CNTNAP2: variants seen among roughly 807,000 people sequenced by gnomAD.
CNTNAP2 encodes the protein contactin-associated protein-like 2.
In CNTNAP2, 98 loss-of-function variants were observed where a neutral mutation model predicts 155.2. That is an observed-to-expected ratio of 0.63 (90% CI 0.54 to 0.75). The LOEUF is 0.75. Ranked by LOEUF, CNTNAP2 falls within the 30% of genes least tolerant of loss-of-function variation. CNTNAP2 has a pLI of 0.00. For missense variants in CNTNAP2, 1,727 were observed against 1,688.1 expected, an observed-to-expected ratio of 1.02 and a Z score of -0.40; for synonymous variants, 651 against 631.2, an observed-to-expected ratio of 1.03 and a Z score of -0.47.
chr7:146,508,429 G>T (rs1244542149), intron 1 of CNTNAP2, among the ~76,000 whole-genome samples: 2 of 152,340 alleles, frequency 1.3e-5, no homozygotes, highest in Non-Finnish European at 2.9e-5. Flanking sequence ...AGGCCAAGGT[G>T]CAAAGATGCA....
At chr7:146,945,483 TAAG>T (rs953931660) in intron 3 of CNTNAP2, among the ~76,000 whole-genome samples, 1 of 151,868 alleles carries the variant, frequency 6.6e-6, no homozygotes. Flanking sequence ...AAACAGAAAA[TAAG>T]AAGAGAGAGG....
intron 3 of CNTNAP2, among the ~76,000 whole-genome samples, chr7:147,023,395 T>C (rs1203673837): frequency 6.6e-6 from 1 of 152,214 alleles, no homozygotes; most frequent in Non-Finnish European, 1.5e-5. Context: ...GATTACAGTT[T>C]CACCTTTCTT....
intron 3 of CNTNAP2, among the ~76,000 whole-genome samples, chr7:146,880,716 G>A (rs1795531560): frequency 6.6e-6 from 1 of 151,978 alleles, no homozygotes; most frequent in Non-Finnish European, 1.5e-5. Context: ...TGCTGTGCTT[G>A]GTTTTCCCAT....
chr7:148,196,265 A>G (rs946336977), intron 18 of CNTNAP2, among the ~76,000 whole-genome samples: 5 of 152,238 alleles, frequency 3.3e-5, no homozygotes, highest in Non-Finnish European at 7.3e-5. Context: ...ATGGGAAACT[A>G]TGCCATGAAA....
intron 13 of CNTNAP2, among the ~76,000 whole-genome samples, chr7:147,832,449 A>G (rs1798565244): frequency 6.8e-6 from 1 of 146,810 alleles, no homozygotes; most frequent in South Asian, 2.1e-4. Flanking sequence ...CAAACTCTAC[A>G]TGAAAGGAAG....
chr7:147,522,879 T>C (rs1395859702), intron 11 of CNTNAP2, among the ~76,000 whole-genome samples: 1 of 151,758 alleles, frequency 6.6e-6, no homozygotes, highest in East Asian at 1.9e-4. Flanking sequence ...GAATACAATA[T>C]ATTTGAAATG....
At chr7:146,496,789 C>T (rs540991526) in intron 1 of CNTNAP2, among the ~76,000 whole-genome samples, 1 of 152,252 alleles carries the variant, frequency 6.6e-6, no homozygotes, top group Non-Finnish European at 1.5e-5. Flanking sequence ...GCCAAATGAG[C>T]ATATTAGCCA....
chr7:148,002,471 C>T (rs1360482444), intron 15 of CNTNAP2, among the ~76,000 whole-genome samples: 5 of 152,128 alleles, frequency 3.3e-5, no homozygotes, highest in African/African-American at 4.8e-5. Context: ...ATTTGAAACC[C>T]TCTGAAGGCT....
intron 12 of CNTNAP2, among the ~76,000 whole-genome samples, chr7:147,629,463 C>T (rs929365142): frequency 6.7e-6 from 1 of 149,874 alleles, no homozygotes; most frequent in African/African-American, 2.4e-5. Flanking sequence ...ATAAACTATA[C>T]TCTAGAACAA....
intron 18 of CNTNAP2, among the ~76,000 whole-genome samples, chr7:148,188,609 G>T (rs1006176794): frequency 6.6e-6 from 1 of 152,192 alleles, no homozygotes; most frequent in Non-Finnish European, 1.5e-5. Context: ...CTTCTACTAA[G>T]ATCCAGAATC....
chr7:147,833,641 T>C (rs1032363565), intron 13 of CNTNAP2, among the ~76,000 whole-genome samples: 4 of 152,164 alleles, frequency 2.6e-5, no homozygotes, highest in Non-Finnish European at 4.4e-5. Context: ...CCGGTATCTA[T>C]TGGTGAACTG....
intron 1 of CNTNAP2, among the ~76,000 whole-genome samples, chr7:146,669,433 A>T (rs1394474255): frequency 6.6e-6 from 1 of 152,212 alleles, no homozygotes; most frequent in African/African-American, 2.4e-5. Flanking sequence ...AGACAGTCTA[A>T]GAAGCATATT....
At chr7:147,412,799 A>G (rs1797126499) in intron 10 of CNTNAP2, among the ~76,000 whole-genome samples, 1 of 152,200 alleles carries the variant, frequency 6.6e-6, no homozygotes, top group Non-Finnish European at 1.5e-5. Flanking sequence ...ATATAGGGCA[A>G]GGCTGTCTTG....
chr7:147,621,965 A>C (rs962770274), intron 12 of CNTNAP2, among the ~76,000 whole-genome samples: 3 of 152,036 alleles, frequency 2.0e-5, no homozygotes, highest in Non-Finnish European at 4.4e-5. Flanking sequence ...ATAGAAACCA[A>C]AAAAAGAAAA....
chr7:147,680,348 T>C (rs1048895192), intron 13 of CNTNAP2, among the ~76,000 whole-genome samples: 2 of 151,892 alleles, frequency 1.3e-5, no homozygotes, highest in African/African-American at 4.8e-5. Flanking sequence ...GCCACTACAA[T>C]AGCAATGAGA....
rs181714282 is a variant in CNTNAP2 at position 146,240,812 on chromosome 7, C to T, written c.97+123839C>T. ...AGAGTGTTGGGAAATGTCATTAGCC[C>T]GTTCTTGCTTTGCTATAAATATCTG... On this transcript the variant is annotated intron_variant, in intron 1 of 23. Coordinates refer to ENST00000361727, the MANE Select transcript of CNTNAP2 (RefSeq NM_014141.6). Among the ~76,000 whole-genome samples, 41 of 152,156 alleles carry T rather than the reference C, an allele frequency of 2.7e-4. 1 individual carries two copies. Among genetic ancestry groups the T allele is most frequent in the African/African-American group, 9.6e-4 (40 of 41,516 alleles).
chr7:146,349,878 C>A (rs1285610148), intron 1 of CNTNAP2, among the ~76,000 whole-genome samples: 5 of 152,076 alleles, frequency 3.3e-5, no homozygotes, highest in African/African-American at 1.2e-4. Context: ...GTAACCCGAC[C>A]TTTCTCTCTG....
At chr7:147,985,165 T>C in intron 15 of CNTNAP2, among the ~76,000 whole-genome samples, 1 of 150,998 alleles carries the variant, frequency 6.6e-6, no homozygotes, top group East Asian at 1.9e-4. Context: ...TACAAGTTCA[T>C]CTCTGTTCCT....
intron 21 of CNTNAP2, among the ~76,000 whole-genome samples, chr7:148,292,294 G>T (rs1037810352): frequency 6.6e-6 from 1 of 152,136 alleles, no homozygotes. Flanking sequence ...CTGTGGATTA[G>T]GATAAAACTA....
Sources: allele counts gnomAD v4.1 joint callset (sites outside exome capture counted in the v4.1 genomes callset), GRCh38; gene constraint gnomAD v4.1.1; transcripts MANE v1.5; gene names NCBI Gene and HGNC (gene_info 2026-07-23, HGNC 2026-07-21).